TTC6: variants seen among roughly 807,000 people sequenced by gnomAD.
The protein encoded by TTC6 is tetratricopeptide repeat protein 6.
TTC6 carries 172 observed loss-of-function variants against 210.4 expected under a neutral mutation model. The observed-to-expected ratio is 0.82, with a 90% CI of 0.72 to 0.93. The LOEUF (loss-of-function observed/expected upper bound fraction) is 0.93, where lower values mean the gene tolerates loss of function less well. Ranked by LOEUF, TTC6 falls within the 40% of genes least tolerant of loss-of-function variation. The probability of loss-of-function intolerance (pLI) is 0.00; values close to 1 mark genes in which losing one functional copy is unlikely to be tolerated. For missense variants in TTC6, 2,414 were observed against 2,318.1 expected (o/e 1.04, Z -0.85); for synonymous variants, 804 against 819.6 (o/e 0.98, Z 0.32).
intron 1 of TTC6, among the ~76,000 whole-genome samples, chr14:37,674,440 A>G (rs187061428): frequency 5.3e-5 from 8 of 152,226 alleles, no homozygotes; most frequent in Admixed American, 5.2e-4. Flanking sequence ...TTTTATTTCA[A>G]TGTGAACAAT....
At chr14:37,807,751 A>T (rs1389860253) in intron 23 of TTC6, among the ~76,000 whole-genome samples, 1 of 152,130 alleles carries the variant, frequency 6.6e-6, no homozygotes, top group African/African-American at 2.4e-5. Context: ...ATAAAGGATT[A>T]TTATCTCACC....
chr14:37,774,934 A>C (rs986173247), intron 14 of TTC6, among the ~76,000 whole-genome samples: 13 of 152,056 alleles, frequency 8.5e-5, no homozygotes, highest in Non-Finnish European at 1.8e-4. Context: ...TGGACTATTC[A>C]GGGTCAATTT....
chr14:37,608,993 T>C (rs948971888), intron 2 of TTC6, among the ~76,000 whole-genome samples: 2 of 152,226 alleles, frequency 1.3e-5, no homozygotes, highest in Admixed American at 6.5e-5. Context: ...CCCCTCTCTT[T>C]AAGATGTACT....
intron 10 of TTC6, among the ~76,000 whole-genome samples, chr14:37,745,798 A>C (rs1374165809): frequency 1.3e-5 from 2 of 152,156 alleles, no homozygotes; most frequent in Non-Finnish European, 2.9e-5. Flanking sequence ...GATTTCAGGG[A>C]AAATTCACTG....
Position 37,841,315 on chromosome 14 carries a change from T to G in TTC6, c.5299-130T>G, listed in dbSNP as rs2096209581. The G allele has an allele frequency of 5.3e-6, 4 of 760,708 alleles. No homozygotes were observed. The East Asian group carries it at 1.1e-4, about 21-fold the overall frequency. The allele number at this position is 760,708 out of a possible 1,614,324, so 47.1% of individuals were successfully genotyped here. A position where few individuals can be genotyped will look rare whatever the true frequency, so the allele number is the denominator to read the frequency against. On this transcript the variant is annotated intron_variant, in intron 29 of 30. Coordinates refer to ENST00000553443, the Ensembl canonical transcript of TTC6. Reference sequence around the variant, plus strand: ...TCTGCAGACAATGCACCTCTGTACCTGGGATGAAATGCTTCTGTTGACCTC... The same window carrying G: ...TCTGCAGACAATGCACCTCTGTACCGGGGATGAAATGCTTCTGTTGACCTC...
exon 1 of TTC6, chr14:37,622,769 G>A: frequency 1.3e-6 from 2 of 1,534,828 alleles, no homozygotes; most frequent in Non-Finnish European, 1.7e-6. Flanking sequence ...GCGAGAGCGG[G>A]GCCCGCGAGG....
intron 23 of TTC6, among the ~76,000 whole-genome samples, chr14:37,808,300 A>G (rs2096122805): frequency 6.6e-6 from 1 of 152,192 alleles, no homozygotes; most frequent in Admixed American, 6.5e-5. Context: ...AGAAGAATCA[A>G]AGAGGAAGCA....
intron 10 of TTC6, among the ~76,000 whole-genome samples, chr14:37,741,579 C>A (rs755499659): frequency 6.6e-6 from 1 of 152,018 alleles, no homozygotes; most frequent in East Asian, 1.9e-4. Flanking sequence ...CATGAGGCAC[C>A]GCGCCTGGCC....
intron 1 of TTC6, among the ~76,000 whole-genome samples, chr14:37,638,524 GGA>G (rs1445637183): frequency 4.0e-5 from 6 of 151,144 alleles, no homozygotes; most frequent in Non-Finnish European, 7.4e-5. Context: ...CAAAGTGCTG[GGA>G]TTACAGGCGT....
At chr14:37,753,202 T>G (rs1486621608) in exon 14 of TTC6, 6 of 1,534,734 alleles carry the variant, frequency 3.9e-6, no homozygotes, top group Non-Finnish European at 5.2e-6. Context: ...TTTACAGCCT[T>G]GTTAAATATA....
intron 1 of TTC6, among the ~76,000 whole-genome samples, chr14:37,599,795 G>A (rs2095611858): frequency 6.6e-6 from 1 of 152,200 alleles, no homozygotes; most frequent in Non-Finnish European, 1.5e-5. Flanking sequence ...CTAGGGCCTC[G>A]CGGAAACGGG....
intron 14 of TTC6, among the ~76,000 whole-genome samples, chr14:37,776,043 C>CTTTTTTT (rs1163694975): frequency 5.3e-4 from 14 of 26,298 alleles, no homozygotes; most frequent in South Asian, 1.6e-3. Context: ...GGTCTTGATT[C>CTTTTTTT]TTTTTTTTTT....
intron 2 of TTC6, among the ~76,000 whole-genome samples, chr14:37,613,508 A>T (rs1475348658): frequency 6.6e-6 from 1 of 152,140 alleles, no homozygotes; most frequent in Non-Finnish European, 1.5e-5. Flanking sequence ...GGTATCATAA[A>T]ATAAATTTTC....
intron 7 of TTC6, among the ~76,000 whole-genome samples, chr14:37,726,954 T>C (rs1401071004): frequency 6.6e-6 from 1 of 152,036 alleles, no homozygotes; most frequent in East Asian, 1.9e-4. Context: ...TATTTTTTTC[T>C]TAGAGTAGAA....
chr14:37,721,328 A>G (rs1286458937), intron 6 of TTC6, among the ~76,000 whole-genome samples: 3 of 152,152 alleles, frequency 2.0e-5, no homozygotes, highest in South Asian at 2.1e-4. Flanking sequence ...CAGTTATTTA[A>G]CTCTTCAAAT....
At chr14:37,680,539 T>C (rs2095781243) in intron 2 of TTC6, among the ~76,000 whole-genome samples, 1 of 152,066 alleles carries the variant, frequency 6.6e-6, no homozygotes, top group African/African-American at 2.4e-5. Flanking sequence ...ATCTAGAAGG[T>C]AGGTGGATAA....
In TTC6 at chr14:37,814,219, AC is replaced by A. The variant is rs1249298441; in HGVS notation, c.4689+1787del. On this transcript the variant is annotated intron_variant, in intron 25 of 30. Transcript: ENST00000553443. The stretch of plus-strand genomic sequence containing the variant: ...CATTGTCAAACATTCTCTTCTCTCC[AC>A]TAGTCATGCCACCCTGGCCTTTTCT... Among the ~76,000 whole-genome samples, 4 of 151,874 alleles carry A rather than the reference AC, an allele frequency of 2.6e-5. No homozygotes were observed. The East Asian group carries it at 7.7e-4, about 29-fold the overall frequency.
intron 11 of TTC6, 77 bp downstream of exon 13, chr14:37,749,478 T>G: frequency 7.4e-7 from 1 of 1,344,370 alleles, no homozygotes; most frequent in Non-Finnish European, 9.6e-7. Context: ...TTTGCTGAAA[T>G]TTTGAACAAT....
intron 1 of TTC6, among the ~76,000 whole-genome samples, chr14:37,631,224 G>C (rs1477461354): frequency 6.6e-6 from 1 of 151,830 alleles, no homozygotes; most frequent in East Asian, 1.9e-4. Context: ...TTTACAATTT[G>C]GTATGTTTTT....
Sources: gnomAD v4.1 joint callset for allele counts (sites outside exome capture counted in the v4.1 genomes callset) on GRCh38, gnomAD v4.1.1 for gene constraint, MANE v1.5 for transcripts, NCBI Gene and HGNC (gene_info 2026-07-23, HGNC 2026-07-21) for gene names.